The following DYNC2H1 variants were observed in gnomAD, a reference collection of about 807,000 sequenced individuals.
DYNC2H1 encodes dynein cytoplasmic 2 heavy chain 1, also known as cytoplasmic dynein 2 heavy chain 1.
In DYNC2H1, 410 loss-of-function variants were observed where a neutral mutation model predicts 570.0. That is an observed-to-expected ratio of 0.72 (90% CI 0.66 to 0.78). The LOEUF (loss-of-function observed/expected upper bound fraction) is 0.78. Ranked by LOEUF, DYNC2H1 falls within the 30% of genes least tolerant of loss-of-function variation. The pLI is 0.00. For synonymous variants in DYNC2H1, 1,688 were observed against 1,677.6 expected (o/e 1.01, Z -0.15); for missense variants, 4,865 against 5,046.4 (o/e 0.96, Z 1.09).
intron 82 of DYNC2H1, among the ~76,000 whole-genome samples, chr11:103,340,267 A>G (rs1354772201): frequency 6.6e-6 from 1 of 152,160 alleles, no homozygotes; most frequent in Non-Finnish European, 1.5e-5. Context: ...TCTAAAGTCA[A>G]ATCTTAATTA....
intron 30 of DYNC2H1, among the ~76,000 whole-genome samples, chr11:103,165,317 C>T (rs564326441): frequency 7.2e-5 from 11 of 152,154 alleles, no homozygotes; most frequent in Admixed American, 6.5e-4. Flanking sequence ...TCAGTAGAGA[C>T]GGGGTTTCTC....
intron 77 of DYNC2H1, 34 bp from the exon 78 acceptor site, chr11:103,307,687 T>G: frequency 8.6e-7 from 1 of 1,167,810 alleles, no homozygotes; most frequent in Non-Finnish European, 1.2e-6. Context: ...CATATATATT[T>G]AAGTAAATTT....
chr11:103,312,570 A>G (rs1867650888), intron 79 of DYNC2H1, among the ~76,000 whole-genome samples: 1 of 137,132 alleles, frequency 7.3e-6, no homozygotes, highest in African/African-American at 2.7e-5. Flanking sequence ...AAAAAAACCA[A>G]TTGTAATGTA....
chr11:103,316,722 A>C, intron 80 of DYNC2H1, 102 bp downstream of exon 80: 1 of 832,600 alleles, frequency 1.2e-6, no homozygotes, highest in East Asian at 3.1e-5. Context: ...CCTATCACAA[A>C]ATTTGCTTGT....
chr11:103,225,955 ATT>A (rs35928432), intron 59 of DYNC2H1, among the ~76,000 whole-genome samples: 1 of 147,616 alleles, frequency 6.8e-6, no homozygotes, highest in African/African-American at 2.5e-5. Flanking sequence ...ATTCCTAAGT[ATT>A]TTTTTTTTTT....
chr11:103,233,951 G>C (rs931341814), intron 60 of DYNC2H1, 83 bp from the exon 61 acceptor site: 44 of 1,331,594 alleles, frequency 3.3e-5, no homozygotes, highest in African/African-American at 6.1e-5. Flanking sequence ...TGGCATAAAA[G>C]TTTACTTTAT....
intron 83 of DYNC2H1, among the ~76,000 whole-genome samples, chr11:103,382,884 T>C (rs1376133974): frequency 6.6e-6 from 1 of 152,190 alleles, no homozygotes; most frequent in Non-Finnish European, 1.5e-5. Context: ...TAATTTAATA[T>C]AGAGAATTGG....
At chr11:103,443,915 T>C (rs1944348849) in intron 85 of DYNC2H1, among the ~76,000 whole-genome samples, 1 of 151,868 alleles carries the variant, frequency 6.6e-6, no homozygotes, top group Non-Finnish European at 1.5e-5. Flanking sequence ...TATTATTTGG[T>C]CCTCACAAAA....
chr11:103,425,208 G>A (rs536002844), intron 84 of DYNC2H1, among the ~76,000 whole-genome samples: 1 of 104,882 alleles, frequency 9.5e-6, no homozygotes, highest in East Asian at 3.9e-4. Flanking sequence ...CAAAGTGCTG[G>A]GATTACAGGT....
chr11:103,191,644 G>A (rs748187847), intron 46 of DYNC2H1, 25 bp downstream of exon 46: 2 of 1,068,200 alleles, frequency 1.9e-6, no homozygotes, highest in Admixed American at 2.4e-5. Context: ...TGTGTATCTT[G>A]TGTGTGTGTG....
In DYNC2H1 at chr11:103,303,111, CA is replaced by C. The variant is rs1482889273; in HGVS notation, c.11115del (p.Leu3706CysfsTer3). 1 of 1,582,328 alleles carries C rather than the reference CA, an allele frequency of 6.3e-7. No homozygotes were observed. On this transcript the variant is annotated frameshift_variant, in exon 76 of 89. Transcript: ENST00000375735. LOFTEE classifies it high-confidence loss of function. ...ATTTTAGGACTGAAAGAGGTGTCCC[CA>C]CTGCCTCTAAATCTCAAACGTTTAT... is the stretch of plus-strand genomic sequence containing the variant. ...CKTLGLKEVS[P>X]LPLNLKRLYK...
intron 75 of DYNC2H1, among the ~76,000 whole-genome samples, chr11:103,288,750 G>A (rs969983305): frequency 1.1e-4 from 16 of 147,338 alleles, no homozygotes; most frequent in Admixed American, 9.1e-4. Context: ...GCATGGTGGC[G>A]AGTGCCTGTA....
intron 30 of DYNC2H1, among the ~76,000 whole-genome samples, chr11:103,165,435 G>C (rs763923144): frequency 3.3e-5 from 5 of 152,132 alleles, no homozygotes; most frequent in Non-Finnish European, 5.9e-5. Context: ...GGCCAAGGCA[G>C]ATCTTAGTTT....
intron 63 of DYNC2H1, among the ~76,000 whole-genome samples, chr11:103,237,180 A>T (rs113544810): frequency 2.9e-4 from 44 of 151,954 alleles, no homozygotes; most frequent in African/African-American, 1.0e-3. Flanking sequence ...TTACTTCTTG[A>T]TAATGTGATT....
chr11:103,278,567 T>A (rs567039065), intron 70 of DYNC2H1, among the ~76,000 whole-genome samples: 1 of 152,262 alleles, frequency 6.6e-6, no homozygotes, highest in Non-Finnish European at 1.5e-5. Flanking sequence ...GTGTGGGTTC[T>A]TTTTTCTTTT....
chr11:103,347,239 G>A (rs1009492592), intron 82 of DYNC2H1, among the ~76,000 whole-genome samples: 1 of 152,012 alleles, frequency 6.6e-6, no homozygotes, highest in Non-Finnish European at 1.5e-5. Flanking sequence ...AAGCGAGAAG[G>A]GCTTCTCTAT....
chr11:103,413,597 C>CTAAAT (rs1253500512), intron 84 of DYNC2H1, among the ~76,000 whole-genome samples: 1 of 152,118 alleles, frequency 6.6e-6, no homozygotes, highest in Non-Finnish European at 1.5e-5. Context: ...GATCAAGCAG[C>CTAAAT]TAAATTATAG....
At chr11:103,160,813 A>G (rs957795529) in intron 28 of DYNC2H1, 119 bp from the exon 29 acceptor site, 1 of 501,192 alleles carries the variant, frequency 2.0e-6, no homozygotes. Flanking sequence ...TGTGGTATAC[A>G]TTATAATTTG....
intron 65 of DYNC2H1, among the ~76,000 whole-genome samples, chr11:103,247,274 A>G (rs1864654483): frequency 6.6e-6 from 1 of 152,058 alleles, no homozygotes; most frequent in Admixed American, 6.6e-5. Context: ...ACTAGAGATG[A>G]CAGCTAAACA....
Sources: allele counts gnomAD v4.1 joint callset (sites outside exome capture counted in the v4.1 genomes callset), GRCh38; gene constraint gnomAD v4.1.1; transcripts MANE v1.5; gene names NCBI Gene and HGNC (gene_info 2026-07-23, HGNC 2026-07-21).